The following ARMC2 variants were observed in gnomAD, a reference collection of about 807,000 sequenced individuals.
ARMC2 encodes the protein armadillo repeat-containing protein 2.
ARMC2 carries 67 observed loss-of-function variants against 90.3 expected under a neutral mutation model. That is an observed-to-expected ratio of 0.74 (90% CI 0.61 to 0.91). The LOEUF (loss-of-function observed/expected upper bound fraction) is 0.91. Among genes scored for constraint, ARMC2 ranks in the 40% least tolerant of loss-of-function variants. The probability of loss-of-function intolerance (pLI) is 0.00; values close to 1 mark genes in which losing one functional copy is unlikely to be tolerated. For synonymous variants in ARMC2, 393 were observed against 393.0 expected (o/e 1.00, Z 0.00); for missense variants, 920 against 1,030.9 (o/e 0.89, Z 1.47).
the ARMC2 span, among the ~76,000 whole-genome samples, chr6:109,026,919 A>T: frequency 5.9e-5 from 9 of 151,892 alleles, no homozygotes; most frequent in African/African-American, 2.2e-4. Context: ...CACACCTGTA[A>T]TCCCAGCACT....
the ARMC2 span, among the ~76,000 whole-genome samples, chr6:109,012,746 AG>A: frequency 2.6e-3 from 392 of 152,304 alleles, 1 homozygote; most frequent in South Asian, 0.011. Context: ...GTGATCCATT[AG>A]GGAAGCAGAA....
At position 108,894,558 on chromosome 6, in the gene ARMC2, C is replaced by T. The variant is rs575311737; in HGVS notation, c.748+15C>T. ...AACCAAAGCAGGTGAGGGGTCCCCA[C>T]ACTCCTTCATCTACAGCATCTCCAC... On this transcript the variant is annotated intron_variant, in intron 6 of 17. Coordinates refer to ENST00000392644, the MANE Select transcript of ARMC2 (RefSeq NM_032131.6). The T allele has an allele frequency of 4.4e-6, 7 of 1,586,656 alleles. No homozygotes were observed. In the South Asian group the frequency reaches 8.0e-5, roughly 18 times the overall value.
At chr6:108,912,274 TTAATA>T in intron 9 of ARMC2, 56 bp from the exon 10 acceptor site, 1 of 1,226,552 alleles carries the variant, frequency 8.2e-7, no homozygotes, top group Non-Finnish European at 1.1e-6. Context: ...CACAAGTGCT[TTAATA>T]TATTTCTCTC....
At chr6:108,978,166 T>A (rs1779021666), downstream of ARMC2, among the ~76,000 whole-genome samples, 1 of 152,214 alleles carries the variant, frequency 6.6e-6, no homozygotes. Context: ...ACACACTGCT[T>A]TAAATATGTC....
intron 7 of ARMC2, among the ~76,000 whole-genome samples, chr6:108,900,248 C>T (rs1771990921): frequency 6.6e-6 from 1 of 152,230 alleles, no homozygotes; most frequent in African/African-American, 2.4e-5. Context: ...GAAGGGAGCA[C>T]ATCCGTCAGG....
the ARMC2 span, among the ~76,000 whole-genome samples, chr6:108,981,033 T>TA: frequency 4.4e-4 from 67 of 152,342 alleles, no homozygotes; most frequent in Middle Eastern, 3.4e-3. Flanking sequence ...AATGTAAGTA[T>TA]ATGCTGGTAG....
intron 6 of ARMC2, among the ~76,000 whole-genome samples, chr6:108,897,093 T>A (rs1482652740): frequency 6.6e-6 from 1 of 152,232 alleles, no homozygotes; most frequent in Non-Finnish European, 1.5e-5. Context: ...GGCAGATTCA[T>A]AAAAACAATG....
In ARMC2 at chr6:108,885,784, A is replaced by G. The variant is rs530812215; in HGVS notation, c.672-8683A>G. Among the ~76,000 whole-genome samples, 67 of 152,294 alleles carry G rather than the reference A, an allele frequency of 4.4e-4. 1 individual carries two copies. The highest frequency in any genetic ancestry group is 1.5e-3 in the African/African-American group (61 of 41,574). ...TGAGGGGACCCTCCCTCCATTGTCC[A>G]CCCCTCTGTTGGCATTACCAAATTG... On this transcript the variant is annotated intron_variant, in intron 5 of 17. Transcript: ENST00000392644.
chr6:108,995,033 A>G, the ARMC2 span, among the ~76,000 whole-genome samples: 4 of 152,320 alleles, frequency 2.6e-5, no homozygotes, highest in African/African-American at 9.6e-5. Context: ...AATATAGGGA[A>G]AATATTCCTA....
chr6:108,976,915 G>A (rs1778993637), downstream of ARMC2, among the ~76,000 whole-genome samples: 1 of 152,136 alleles, frequency 6.6e-6, no homozygotes, highest in Admixed American at 6.6e-5. Flanking sequence ...GAGACGATGT[G>A]GTTTTCTAAA....
chr6:109,030,766 T>C, the ARMC2 span, among the ~76,000 whole-genome samples: 1 of 152,182 alleles, frequency 6.6e-6, no homozygotes, highest in African/African-American at 2.4e-5. Context: ...ACAAATTAAT[T>C]TCCCATAGAG....
the ARMC2 span, among the ~76,000 whole-genome samples, chr6:109,034,868 T>C: frequency 6.6e-6 from 1 of 152,242 alleles, no homozygotes; most frequent in Admixed American, 6.5e-5. Context: ...ATGGAGCTGC[T>C]AAACCAGTCC....
rs77448216 is a variant in ARMC2 at position 108,877,386 on chromosome 6, T to C, written c.671+1036T>C. Among the ~76,000 whole-genome samples the C allele has an allele frequency of 4.2e-3, 638 of 152,336 alleles. 3 individuals are homozygous for C. Among genetic ancestry groups the C allele is most frequent in the African/African-American group, 0.014 (598 of 41,574 alleles). On this transcript the variant is annotated intron_variant, in intron 5 of 17. Coordinates refer to ENST00000392644, the MANE Select transcript of ARMC2 (RefSeq NM_032131.6). ...GACACAGCCTGAAGAGTGTCACACA[T>C]ACGGAATTTATATTAAGCAATCTAG...
At chr6:108,975,402 T>A (rs1778965187), downstream of ARMC2, among the ~76,000 whole-genome samples, 1 of 152,234 alleles carries the variant, frequency 6.6e-6, no homozygotes, top group Admixed American at 6.5e-5. Flanking sequence ...ATCCAGTCTA[T>A]CATTGATGGG....
At chr6:108,994,828 G>A in the ARMC2 span, among the ~76,000 whole-genome samples, 12 of 149,604 alleles carry the variant, frequency 8.0e-5, no homozygotes, top group African/African-American at 3.0e-4. Flanking sequence ...TCGGCCTCCC[G>A]AGTAGCTGGG....
chr6:108,956,801 G>A (rs1269687400), intron 13 of ARMC2, among the ~76,000 whole-genome samples: 1 of 152,144 alleles, frequency 6.6e-6, no homozygotes, highest in Admixed American at 6.5e-5. Context: ...AGACCAGCCT[G>A]GCCAACATGG....
intron 12 of ARMC2, among the ~76,000 whole-genome samples, chr6:108,946,583 C>T (rs894376872): frequency 6.6e-6 from 1 of 152,182 alleles, no homozygotes; most frequent in Admixed American, 6.5e-5. Flanking sequence ...GTTGGATAAA[C>T]AAAGCAAATT....
rs572442392 is a variant in ARMC2 at position 108,870,767 on chromosome 6, T to C, written c.463+1772T>C. Among the ~76,000 whole-genome samples the C allele has an allele frequency of 2.0e-5, 3 of 152,252 alleles. No homozygotes were observed. In the South Asian group the frequency reaches 6.2e-4, roughly 32 times the overall value. The stretch of plus-strand genomic sequence containing the variant: ...TTGATGTCCCGATTTGTTTCCTTTC[T>C]TACACTGCCAGTCGATCTGATATTT... On this transcript the variant is annotated intron_variant, in intron 4 of 17. Transcript: ENST00000392644.
intron 7 of ARMC2, among the ~76,000 whole-genome samples, chr6:108,902,329 C>G (rs572153908): frequency 2.2e-4 from 33 of 152,276 alleles, no homozygotes; most frequent in African/African-American, 5.8e-4. Context: ...CTTTCTAACC[C>G]CTTTTTAAAG....
Sources: gnomAD v4.1 joint callset for allele counts (sites outside exome capture counted in the v4.1 genomes callset) on GRCh38, gnomAD v4.1.1 for gene constraint, MANE v1.5 for transcripts, NCBI Gene and HGNC (gene_info 2026-07-23, HGNC 2026-07-21) for gene names.